The following RBL1 variants were observed in gnomAD, a reference collection of about 807,000 sequenced individuals.
RBL1 encodes the protein RB transcriptional corepressor like 1.
Under a neutral mutation model 123.0 loss-of-function variants are expected in RBL1, and 82 were observed. The observed-to-expected ratio is 0.67, with a 90% CI of 0.56 to 0.80. The LOEUF (loss-of-function observed/expected upper bound fraction) is 0.80. Among genes scored for constraint, RBL1 ranks in the 30% least tolerant of loss-of-function variants. The probability of loss-of-function intolerance (pLI) is 0.00; values close to 1 mark genes in which losing one functional copy is unlikely to be tolerated. For synonymous variants in RBL1, 405 were observed against 441.3 expected, an observed-to-expected ratio of 0.92 and a Z score of 1.03; for missense variants, 1,171 against 1,299.6, an observed-to-expected ratio of 0.90 and a Z score of 1.52.
At chr20:37,052,872 C>T (rs559181599) in intron 11 of RBL1, among the ~76,000 whole-genome samples, 1 of 152,146 alleles carries the variant, frequency 6.6e-6, no homozygotes, top group South Asian at 2.1e-4. Flanking sequence ...GAACTCCTGA[C>T]CTCAGGTGAT....
At chr20:37,033,185 A>ATT (rs1157688842) in intron 15 of RBL1, among the ~76,000 whole-genome samples, 8 of 123,300 alleles carry the variant, frequency 6.5e-5, no homozygotes, top group Non-Finnish European at 1.0e-4. Context: ...TGCCTGGTAA[A>ATT]TTTTTTTTTT....
At chr20:37,036,078 A>G (rs2064606191) in intron 14 of RBL1, among the ~76,000 whole-genome samples, 1 of 152,070 alleles carries the variant, frequency 6.6e-6, no homozygotes, top group Non-Finnish European at 1.5e-5. Flanking sequence ...TGTGTTGATC[A>G]AAAATAAAGT....
chr20:37,032,928 G>C, intron 15 of RBL1, 52 bp from the exon 16 acceptor site: 1 of 1,598,806 alleles, frequency 6.3e-7, no homozygotes, highest in Non-Finnish European at 8.5e-7. Flanking sequence ...TAGGAAAGTT[G>C]TCAACTATAT....
chr20:37,030,537 G>A (rs1489801859), intron 16 of RBL1, among the ~76,000 whole-genome samples: 1 of 150,808 alleles, frequency 6.6e-6, no homozygotes, highest in East Asian at 2.0e-4. Flanking sequence ...TGGGCAACAT[G>A]GTGAAACCCC....
chr20:37,073,127 A>T (rs2065307701), intron 2 of RBL1, among the ~76,000 whole-genome samples: 1 of 152,000 alleles, frequency 6.6e-6, no homozygotes, highest in African/African-American at 2.4e-5. Flanking sequence ...AGCTAATTTT[A>T]AAATGTTTTT....
intron 2 of RBL1, chr20:37,081,950 A>C (rs1370465712): frequency 2.2e-6 from 1 of 455,526 alleles, no homozygotes; most frequent in Non-Finnish European, 4.4e-6. Context: ...TTATAATATC[A>C]GTAAATGGAG....
At chr20:37,078,917 C>T (rs1409035892) in intron 2 of RBL1, among the ~76,000 whole-genome samples, 1 of 151,878 alleles carries the variant, frequency 6.6e-6, no homozygotes, top group Non-Finnish European at 1.5e-5. Flanking sequence ...TTTAACATTT[C>T]ACACTGAAGA....
chr20:37,011,160 GA>G (rs1458156171), intron 19 of RBL1, among the ~76,000 whole-genome samples: 3 of 152,052 alleles, frequency 2.0e-5, no homozygotes, highest in Non-Finnish European at 4.4e-5. Context: ...AGTTTCTAAG[GA>G]AGCAATGTAA....
intron 1 of RBL1, among the ~76,000 whole-genome samples, chr20:37,090,571 T>C (rs1039020468): frequency 6.6e-6 from 1 of 152,228 alleles, no homozygotes; most frequent in African/African-American, 2.4e-5. Context: ...CTGTCATTTT[T>C]GTAAGGTAAA....
chr20:37,051,431 T>A (rs182157233), intron 11 of RBL1, among the ~76,000 whole-genome samples: 1 of 152,188 alleles, frequency 6.6e-6, no homozygotes, highest in Admixed American at 6.5e-5. Flanking sequence ...TCCACCTGCG[T>A]TGGCCTCCCA....
At chr20:37,069,132 A>C (rs2146306772) in intron 2 of RBL1, among the ~76,000 whole-genome samples, 1 of 152,306 alleles carries the variant, frequency 6.6e-6, no homozygotes, top group African/African-American at 2.4e-5. Context: ...AGTCTGGTTC[A>C]CTCAGTGCTC....
intron 14 of RBL1, 133 bp from the exon 15 acceptor site, chr20:37,035,641 C>A (rs1381821503): frequency 5.3e-6 from 4 of 748,720 alleles, no homozygotes; most frequent in Non-Finnish European, 8.1e-6. Context: ...CCTTTGCCCT[C>A]ATGGAATATG....
At position 37,001,919 on chromosome 20, in the gene RBL1, A is replaced by T. The variant is rs1190005518; in HGVS notation, c.3036+1783T>A. 2.9e-3 allele frequency among the ~76,000 whole-genome samples: 133 copies of T among 45,654 alleles called. No homozygotes were observed. In the African/African-American group the frequency reaches 0.034, roughly 12 times the overall value. 30.0% of individuals were successfully genotyped at this position (45,654 alleles called of 152,430 possible). Reference sequence around the variant, plus strand: ...TTAAAATAGCAGGTTGCAGAACAATAAAAAAAAAAAAAAAAAAAAAAAACA... The same window carrying T: ...TTAAAATAGCAGGTTGCAGAACAATTAAAAAAAAAAAAAAAAAAAAAAACA... On this transcript the variant is annotated intron_variant, in intron 21 of 21. Coordinates refer to ENST00000373664, the MANE Select transcript of RBL1 (RefSeq NM_002895.5).
intron 19 of RBL1, among the ~76,000 whole-genome samples, chr20:37,015,044 CAA>C (rs1382360400): frequency 9.6e-6 from 1 of 103,954 alleles, no homozygotes; most frequent in Non-Finnish European, 1.8e-5. Flanking sequence ...GCCTGGGCAA[CAA>C]GAGTGAGACT....
At chr20:37,054,602 G>A in intron 11 of RBL1, among the ~76,000 whole-genome samples, 1 of 151,952 alleles carries the variant, frequency 6.6e-6, no homozygotes, top group Admixed American at 6.6e-5. Context: ...GGCTGAGGTG[G>A]GCAGATCACT....
At chr20:37,068,691 G>T (rs1178338711) in intron 2 of RBL1, among the ~76,000 whole-genome samples, 2 of 152,102 alleles carry the variant, frequency 1.3e-5, no homozygotes, top group Non-Finnish European at 2.9e-5. Context: ...ACAATATTTT[G>T]CATAAAATTT....
chr20:37,009,016 T>G (rs1174697878), intron 19 of RBL1, among the ~76,000 whole-genome samples: 1 of 152,102 alleles, frequency 6.6e-6, no homozygotes, highest in Non-Finnish European at 1.5e-5. Context: ...ATAGTCTCTC[T>G]TCCCCCAAAA....
chr20:37,083,933 G>A (rs2065499835), intron 2 of RBL1, among the ~76,000 whole-genome samples: 1 of 145,808 alleles, frequency 6.9e-6, no homozygotes, highest in Non-Finnish European at 1.5e-5. Flanking sequence ...TTTTGAGAGT[G>A]GGTCTTGCTT....
At chr20:37,015,644 A>G (rs2064238089) in intron 19 of RBL1, among the ~76,000 whole-genome samples, 1 of 152,074 alleles carries the variant, frequency 6.6e-6, no homozygotes, top group African/African-American at 2.4e-5. Flanking sequence ...GTTAGCCAGG[A>G]TGGTCTGGAT....
Sources: gnomAD v4.1 joint callset for allele counts (sites outside exome capture counted in the v4.1 genomes callset) on GRCh38, gnomAD v4.1.1 for gene constraint, MANE v1.5 for transcripts, NCBI Gene and HGNC (gene_info 2026-07-23, HGNC 2026-07-21) for gene names.